Variants in RFX2 observed in about 807,000 individuals in gnomAD.
The protein encoded by RFX2 is DNA-binding protein RFX2.
A neutral mutation model predicts 87.8 loss-of-function variants in RFX2; 20 were observed. The observed-to-expected ratio is 0.23, with a 90% CI of 0.16 to 0.33. RFX2 has a LOEUF of 0.33. Among genes scored for constraint, RFX2 ranks in the 10% least tolerant of loss-of-function variants. The pLI, the probability that RFX2 is intolerant of heterozygous loss-of-function variation, is 1.00. For missense variants in RFX2, 767 were observed against 1,012.3 expected (o/e 0.76, Z 3.29); for synonymous variants, 397 against 431.3 (o/e 0.92, Z 0.98).
intron 16 of RFX2, 65 bp downstream of exon 16, chr19:5,996,995 A>G: frequency 6.5e-7 from 1 of 1,527,278 alleles, no homozygotes; most frequent in Non-Finnish European, 8.8e-7. Flanking sequence ...GGCTGCTCAG[A>G]GCACACCGCC....
In RFX2 at chr19:5,999,471, C is replaced by T. The variant is rs184115928; in HGVS notation, c.1860-2258G>A. Among the ~76,000 whole-genome samples, 6 of 152,234 alleles carry T rather than the reference C, an allele frequency of 3.9e-5. No homozygotes were observed. The East Asian group carries it at 1.2e-3, about 29-fold the overall frequency. ...ATGGAGACTGGCATCGGCATCCCTA[C>T]GCTGTCTCTTCCCTTGCTCTTCCTC... On this transcript the variant is annotated intron_variant, in intron 15 of 17. Transcript: ENST00000303657. This position sits in a 1 kb window ranked among gnomAD's most constrained non-coding sequence, Gnocchi z 4.1.
At chr19:6,015,938 G>T (rs1318811204) in intron 7 of RFX2, 152 bp downstream of exon 7, 2 of 631,196 alleles carry the variant, frequency 3.2e-6, no homozygotes, top group Non-Finnish European at 4.9e-6. Context: ...CACAGCCAAG[G>T]CTGCCGCCAA....
intron 1 of RFX2, among the ~76,000 whole-genome samples, chr19:6,071,179 C>A (rs763368232): frequency 6.6e-6 from 1 of 152,208 alleles, no homozygotes; most frequent in South Asian, 2.1e-4. Context: ...GTTAGAGTCA[C>A]ATATTAAAAA....
chr19:6,072,376 A>G (rs2087619751), intron 1 of RFX2, among the ~76,000 whole-genome samples: 1 of 152,166 alleles, frequency 6.6e-6, no homozygotes, highest in Admixed American at 6.5e-5. Context: ...CTGCTCTTGG[A>G]AAGCATGTTT....
At position 6,004,736 on chromosome 19, in the gene RFX2, C is replaced by T. The variant is rs1312591850; in HGVS notation, c.1403-438G>A. Among the ~76,000 whole-genome samples, 1 of 151,742 alleles carries T rather than the reference C, an allele frequency of 6.6e-6. No homozygotes were observed. The highest frequency in any genetic ancestry group is 2.4e-5 in the African/African-American group (1 of 41,294). On this transcript the variant is annotated intron_variant, in intron 12 of 17. Transcript: ENST00000303657. The surrounding 1 kb of genome is among the most constrained non-coding windows in gnomAD (Gnocchi z 4.8). ...ACAAACACACACACACACGTAAATACATTCTACCAACTTCCTAATTTATTT... is the reference window on the plus strand; with the variant it reads ...ACAAACACACACACACACGTAAATATATTCTACCAACTTCCTAATTTATTT...
chr19:6,038,349 A>AAC, intron 5 of RFX2, among the ~76,000 whole-genome samples: 1 of 149,906 alleles, frequency 6.7e-6, no homozygotes, highest in South Asian at 2.1e-4. Context: ...AAAAAAAAAA[A>AAC]AAACCCAAAA....
At position 6,023,413 on chromosome 19, in the gene RFX2, C is replaced by G. The variant is rs1407796732; in HGVS notation, c.597+2750G>C. ...ACAATCGTTGCAAGGGCACGTCACCCCGTCCATCAGCAGATCACGTGCTTT... is the reference window on the plus strand; with the variant it reads ...ACAATCGTTGCAAGGGCACGTCACCGCGTCCATCAGCAGATCACGTGCTTT... On this transcript the variant is annotated intron_variant, in intron 6 of 17. Transcript: ENST00000303657. The surrounding 1 kb of genome is among the most constrained non-coding windows in gnomAD (Gnocchi z 4.9). Among the ~76,000 whole-genome samples, 3 of 152,242 alleles carry G rather than the reference C, an allele frequency of 2.0e-5. No homozygotes were observed. Among genetic ancestry groups the G allele is most frequent in the Non-Finnish European group, 4.4e-5 (3 of 68,046 alleles).
intron 5 of RFX2, among the ~76,000 whole-genome samples, chr19:6,038,151 AC>A (rs899042725): frequency 7.2e-5 from 11 of 151,940 alleles, no homozygotes; most frequent in African/African-American, 2.2e-4. Flanking sequence ...ACATGGTAAA[AC>A]CCTGTCTGTA....
At chr19:6,103,598 C>T (rs1265285019) in intron 1 of RFX2, among the ~76,000 whole-genome samples, 1 of 152,148 alleles carries the variant, frequency 6.6e-6, no homozygotes, top group Non-Finnish European at 1.5e-5. Flanking sequence ...GGCCACTCCC[C>T]AAAACTCATC....
At chr19:6,000,615 G>A (rs921820840) in intron 15 of RFX2, among the ~76,000 whole-genome samples, 30 of 152,222 alleles carry the variant, frequency 2.0e-4, no homozygotes, top group Admixed American at 7.9e-4. Flanking sequence ...TTTTATAAAG[G>A]CGAGTTCCCC....
rs759122937 is a variant in RFX2, at chr19:6,002,926, C to A, written c.1501-56G>T. ...TTCGCAGGGAGAGCCTGTTCCGCTG[C>A]GCTCCTTGCAGGGGTGTGTGGGCTC... is the stretch of plus-strand genomic sequence containing the variant. On this transcript the variant is annotated intron_variant, in intron 13 of 17. Coordinates refer to ENST00000303657, the MANE Select transcript of RFX2 (RefSeq NM_000635.4). The surrounding 1 kb of genome is among the most constrained non-coding windows in gnomAD (Gnocchi z 6.7). 17 of 1,551,058 alleles carry A rather than the reference C, an allele frequency of 1.1e-5. No homozygotes were observed. Among genetic ancestry groups the A allele is most frequent in the Non-Finnish European group, 1.4e-5 (16 of 1,152,866 alleles).
chr19:6,011,765 T>C lies in RFX2; in HGVS notation c.899+1221A>G, dbSNP rs935755229. On this transcript the variant is annotated intron_variant, in intron 8 of 17. Coordinates refer to ENST00000303657, the MANE Select transcript of RFX2 (RefSeq NM_000635.4). The surrounding 1 kb of genome is among the most constrained non-coding windows in gnomAD (Gnocchi z 4.8). ...AATGGGTTACGCAGAGCAGCTGGAA[T>C]GGGTTTTTGAGCCACACACATACAC... 3.9e-5 allele frequency among the ~76,000 whole-genome samples: 6 copies of C among 152,184 alleles called. No individual in the cohort carries two copies. Among genetic ancestry groups the C allele is most frequent in the Non-Finnish European group, 7.3e-5 (5 of 68,032 alleles).
At chr19:5,995,682 G>A (rs2086397262) in intron 16 of RFX2, 39 bp from the exon 17 acceptor site, 1 of 1,544,828 alleles carries the variant, frequency 6.5e-7, no homozygotes, top group Admixed American at 2.0e-5. Context: ...CCTGCAGAGG[G>A]GCGGCAGTTG....
rs766972250 is a variant in RFX2 at position 6,047,402 on chromosome 19, G to A, written c.90+5C>T. On this transcript the variant is annotated splice_donor_5th_base_variant and intron_variant, in intron 2 of 17. Coordinates refer to ENST00000303657, the MANE Select transcript of RFX2 (RefSeq NM_000635.4). The surrounding 1 kb of genome is among the most constrained non-coding windows in gnomAD (Gnocchi z 4.2). Reference sequence around the variant, plus strand: ...ACCCTGTTGTTGCTGAGAGGCGCGCGTTACCTGCGGGGAGGCTGGCACAGG... The same window carrying A: ...ACCCTGTTGTTGCTGAGAGGCGCGCATTACCTGCGGGGAGGCTGGCACAGG... The A allele has an allele frequency of 1.9e-5, 31 of 1,603,430 alleles. No individual in the cohort carries two copies. The African/African-American group carries it at 3.2e-4, about 17-fold the overall frequency.
intron 1 of RFX2, among the ~76,000 whole-genome samples, chr19:6,066,499 C>T (rs1193257541): frequency 3.3e-5 from 5 of 152,132 alleles, no homozygotes; most frequent in African/African-American, 1.2e-4. Flanking sequence ...TTCTGAACAC[C>T]AGGAATTAGA....
Position 6,061,556 on chromosome 19 carries a change from C to T in RFX2, c.-8-14052G>A, listed in dbSNP as rs976852933. 2.0e-5 allele frequency among the ~76,000 whole-genome samples: 3 copies of T among 152,226 alleles called. No individual in the cohort carries two copies. The highest frequency in any genetic ancestry group is 7.2e-5 in the African/African-American group (3 of 41,460). The stretch of plus-strand genomic sequence containing the variant: ...GCCCCACAGAATGCATCCAAAGAAA[C>T]GGAACATTTGGTTCCCTTCCTACTC... On this transcript the variant is annotated intron_variant, in intron 1 of 17. Transcript: ENST00000303657. This position sits in a 1 kb window ranked among gnomAD's most constrained non-coding sequence, Gnocchi z 5.2.
chr19:6,085,468 A>T (rs532276958), intron 1 of RFX2, among the ~76,000 whole-genome samples: 15 of 152,280 alleles, frequency 9.9e-5, no homozygotes, highest in South Asian at 2.1e-4. Context: ...CCATTAAAAA[A>T]TTTTTTTGCT....
At chr19:6,103,245 T>C (rs1028279318) in intron 1 of RFX2, among the ~76,000 whole-genome samples, 1 of 152,318 alleles carries the variant, frequency 6.6e-6, no homozygotes, top group Middle Eastern at 3.4e-3. Flanking sequence ...CTGCTTTATG[T>C]ATCATCTACA....
rs527720208 is a variant in RFX2 at position 6,062,312 on chromosome 19, G to A, written c.-8-14808C>T. 9.2e-5 allele frequency among the ~76,000 whole-genome samples: 14 copies of A among 152,304 alleles called. No individual in the cohort carries two copies. In the South Asian group the frequency reaches 2.3e-3, roughly 25 times the overall value. On this transcript the variant is annotated intron_variant, in intron 1 of 17. Coordinates refer to ENST00000303657, the MANE Select transcript of RFX2 (RefSeq NM_000635.4). ...CAGACTGCGGGCAAAGCTGGTATACGTGGGGGCTGACTGACTCTGAGGAAG... is the reference window on the plus strand; with the variant it reads ...CAGACTGCGGGCAAAGCTGGTATACATGGGGGCTGACTGACTCTGAGGAAG...
Sources: gnomAD v4.1 joint callset for allele counts (sites outside exome capture counted in the v4.1 genomes callset) on GRCh38, gnomAD v4.1.1 for gene constraint, Gnocchi (gnomAD v3.1) non-coding constraint, MANE v1.5 for transcripts, NCBI Gene and HGNC (gene_info 2026-07-23, HGNC 2026-07-21) for gene names.